The following NR2F1-AS1 variants were observed in gnomAD, a reference collection of about 807,000 sequenced individuals.
NR2F1-AS1 encodes the protein NR2F1 regulatory antisense RNA 1, also known as NR2F1 antisense RNA 1.
At chr5:93,551,696 G>T (rs1752234140) in intron 4 of NR2F1-AS1, among the ~76,000 whole-genome samples, 1 of 152,036 alleles carries the variant, frequency 6.6e-6, no homozygotes, top group African/African-American at 2.4e-5. Flanking sequence ...ACTTTAGACT[G>T]ATTATAAGAC....
In NR2F1-AS1 at chr5:93,435,181, T is replaced by G. The variant is rs569388291; in HGVS notation, n.639-39639A>C. ...TTGCAAAATGGTGATTTTCTAATATTATCATTCCTCCTACATTTATCAGTT... is the reference window on the plus strand; with the variant it reads ...TTGCAAAATGGTGATTTTCTAATATGATCATTCCTCCTACATTTATCAGTT... On this transcript the variant is annotated intron_variant and non_coding_transcript_variant, in intron 4 of 5. Coordinates refer to ENST00000660523, the Ensembl canonical transcript of NR2F1-AS1. 5.6e-4 allele frequency among the ~76,000 whole-genome samples: 86 copies of G among 152,234 alleles called. 1 individual carries two copies. Among genetic ancestry groups the G allele is most frequent in the Non-Finnish European group, 1.0e-3 (68 of 68,032 alleles).
chr5:93,528,166 C>A (rs1751660940), intron 4 of NR2F1-AS1, among the ~76,000 whole-genome samples: 2 of 152,036 alleles, frequency 1.3e-5, no homozygotes, highest in South Asian at 2.1e-4. Flanking sequence ...AAAAAACAAA[C>A]AAGCCCATTA....
intron 4 of NR2F1-AS1, among the ~76,000 whole-genome samples, chr5:93,471,800 T>C (rs900283006): frequency 2.0e-5 from 3 of 151,874 alleles, no homozygotes; most frequent in Non-Finnish European, 4.4e-5. Flanking sequence ...CCATGGACAA[T>C]GGTAAAGGTT....
At position 93,518,997 on chromosome 5, in the gene NR2F1-AS1, C is replaced by T. The variant is rs1182125626; in HGVS notation, n.638+34764G>A. Reference sequence around the variant, plus strand: ...TAATTAAACACAATAAAAATCACTACACTTAAGTGGCCTCTTTCTGAGAGA... The same window carrying T: ...TAATTAAACACAATAAAAATCACTATACTTAAGTGGCCTCTTTCTGAGAGA... On this transcript the variant is annotated intron_variant and non_coding_transcript_variant, in intron 4 of 5. Coordinates refer to ENST00000660523, the Ensembl canonical transcript of NR2F1-AS1. Among the ~76,000 whole-genome samples the T allele has an allele frequency of 2.6e-5, 4 of 152,146 alleles. No individual in the cohort carries two copies. In the East Asian group the frequency reaches 5.8e-4, roughly 22 times the overall value.
At chr5:93,445,367 C>G (rs190246715) in intron 4 of NR2F1-AS1, among the ~76,000 whole-genome samples, 7 of 152,194 alleles carry the variant, frequency 4.6e-5, no homozygotes, top group Admixed American at 4.6e-4. Context: ...AAGGGGGTAT[C>G]ACCACCGATC....
intron 4 of NR2F1-AS1, among the ~76,000 whole-genome samples, chr5:93,531,222 T>C (rs1014618791): frequency 2.0e-5 from 3 of 152,190 alleles, no homozygotes; most frequent in Non-Finnish European, 4.4e-5. Context: ...TCCAGGAAGT[T>C]TTTTTCTTCC....
chr5:93,559,859 A>T (rs1051352635), intron 2 of NR2F1-AS1, among the ~76,000 whole-genome samples: 4 of 152,204 alleles, frequency 2.6e-5, no homozygotes, highest in African/African-American at 9.7e-5. Context: ...CCTAACAGAT[A>T]CTGTAGTAAT....
intron 4 of NR2F1-AS1, among the ~76,000 whole-genome samples, chr5:93,443,110 G>A (rs946045702): frequency 5.3e-5 from 8 of 152,236 alleles, no homozygotes; most frequent in Non-Finnish European, 1.2e-4. Context: ...CAGAAAAGCT[G>A]AAAATTCTAA....
chr5:93,582,379 A>G (rs2149939075), upstream of NR2F1-AS1, among the ~76,000 whole-genome samples: 1 of 152,278 alleles, frequency 6.6e-6, no homozygotes, highest in Admixed American at 6.5e-5. Context: ...ATTTGTGGCA[A>G]TAGCTGCAAA....
chr5:93,562,304 C>T (rs1752511182), intron 2 of NR2F1-AS1, among the ~76,000 whole-genome samples: 1 of 152,114 alleles, frequency 6.6e-6, no homozygotes, highest in African/African-American at 2.4e-5. Flanking sequence ...AGGCTGTCCC[C>T]AAATTACAAT....
At chr5:93,413,718 A>C (rs1363012253) in intron 4 of NR2F1-AS1, among the ~76,000 whole-genome samples, 1 of 152,202 alleles carries the variant, frequency 6.6e-6, no homozygotes, top group African/African-American at 2.4e-5. Context: ...TTAGAATCTA[A>C]GTGTCTTCTT....
intron 4 of NR2F1-AS1, among the ~76,000 whole-genome samples, chr5:93,533,815 G>T (rs961077704): frequency 6.6e-6 from 1 of 152,148 alleles, no homozygotes; most frequent in South Asian, 2.1e-4. Flanking sequence ...AAGCAATGTC[G>T]TTTAACTTTA....
chr5:93,412,304 T>C (rs1396538682), intron 4 of NR2F1-AS1, among the ~76,000 whole-genome samples: 3 of 152,138 alleles, frequency 2.0e-5, no homozygotes, highest in Admixed American at 2.0e-4. Flanking sequence ...TCCTCTGCCA[T>C]AGTCTCAACT....
At chr5:93,492,852 A>C (rs1415396772) in intron 4 of NR2F1-AS1, among the ~76,000 whole-genome samples, 1 of 152,010 alleles carries the variant, frequency 6.6e-6, no homozygotes, top group Non-Finnish European at 1.5e-5. Flanking sequence ...ATGATAAAAA[A>C]AAAAAACACT....
At chr5:93,529,903 T>C (rs929486064) in intron 4 of NR2F1-AS1, among the ~76,000 whole-genome samples, 6 of 152,106 alleles carry the variant, frequency 3.9e-5, no homozygotes, top group Non-Finnish European at 7.4e-5. Flanking sequence ...ATTGTACCCT[T>C]ACATCAGCTC....
At chr5:93,548,699 C>G (rs1156562434) in intron 4 of NR2F1-AS1, among the ~76,000 whole-genome samples, 1 of 150,310 alleles carries the variant, frequency 6.7e-6, no homozygotes, top group African/African-American at 2.4e-5. Flanking sequence ...CCTGTCTCTA[C>G]TAAAAATACA....
chr5:93,557,334 A>T (rs1304234696), intron 2 of NR2F1-AS1, among the ~76,000 whole-genome samples: 1 of 152,204 alleles, frequency 6.6e-6, no homozygotes, highest in East Asian at 1.9e-4. Context: ...CTCTGAAGTA[A>T]CACATACTTC....
intron 4 of NR2F1-AS1, among the ~76,000 whole-genome samples, chr5:93,503,938 C>A (rs1247969320): frequency 2.0e-5 from 3 of 152,100 alleles, no homozygotes; most frequent in Non-Finnish European, 4.4e-5. Context: ...TCCTGTGAGT[C>A]CTCCTAGTGA....
At chr5:93,443,718 C>T (rs1379757971) in intron 4 of NR2F1-AS1, among the ~76,000 whole-genome samples, 1 of 152,036 alleles carries the variant, frequency 6.6e-6, no homozygotes, top group African/African-American at 2.4e-5. Context: ...AGATATTCCT[C>T]GAGAAGAGCA....
Sources: allele counts gnomAD v4.1 joint callset (sites outside exome capture counted in the v4.1 genomes callset), GRCh38; gene constraint gnomAD v4.1.1; transcripts MANE v1.5; gene names NCBI Gene and HGNC (gene_info 2026-07-23, HGNC 2026-07-21).